The following ABI3BP variants were observed in gnomAD, a reference collection of about 807,000 sequenced individuals.
ABI3BP encodes the protein target of Nesh-SH3.
ABI3BP carries 216 observed loss-of-function variants against 268.6 expected under a neutral mutation model. The ratio of observed to expected loss-of-function variants is 0.80; its 90% confidence interval spans 0.72 to 0.90. ABI3BP has a LOEUF of 0.90. Ranked by LOEUF, ABI3BP falls within the 40% of genes least tolerant of loss-of-function variation. The pLI is 0.00. For missense variants in ABI3BP, 2,090 were observed against 2,182.4 expected, an observed-to-expected ratio of 0.96 and a Z score of 0.84; for synonymous variants, 730 against 730.0, an observed-to-expected ratio of 1.00 and a Z score of 0.00.
At chr3:100,977,100 C>T (rs911361527) in intron 1 of ABI3BP, among the ~76,000 whole-genome samples, 9 of 152,174 alleles carry the variant, frequency 5.9e-5, no homozygotes, top group African/African-American at 1.4e-4. Flanking sequence ...TCCCAAAATT[C>T]TCTTCCCGTG....
intron 62 of ABI3BP, among the ~76,000 whole-genome samples, 189 bp from the exon 63 acceptor site, chr3:100,766,138 G>A (rs2096260447): frequency 2.0e-5 from 3 of 152,222 alleles, no homozygotes; most frequent in South Asian, 2.1e-4. Context: ...GGCTCCAGAA[G>A]CATTTTGGGA....
At chr3:100,850,221 G>A in intron 16 of ABI3BP, 102 bp from the exon 17 acceptor site, 1 of 979,890 alleles carries the variant, frequency 1.0e-6, no homozygotes, top group Non-Finnish European at 1.5e-6. Context: ...CATGCCACGA[G>A]TACATGATTA....
At chr3:100,945,710 T>C (rs1481725756) in intron 1 of ABI3BP, 2 of 426,990 alleles carry the variant, frequency 4.7e-6, no homozygotes, top group African/African-American at 2.1e-5. Context: ...TTACATTTTA[T>C]TTATTCAATC....
intron 1 of ABI3BP, among the ~76,000 whole-genome samples, chr3:100,930,405 A>G (rs1384968341): frequency 6.6e-6 from 1 of 151,984 alleles, no homozygotes; most frequent in Non-Finnish European, 1.5e-5. Flanking sequence ...TGGATCTACG[A>G]TGGTGGTTTC....
rs952077101 is a variant in ABI3BP, at chr3:100,780,182, C to A, written c.4190G>T (p.Gly1397Val). 5.6e-6 allele frequency: 9 copies of A among 1,612,736 alleles called. No individual in the cohort carries two copies. The highest frequency in any genetic ancestry group is 7.6e-6 in the Non-Finnish European group (9 of 1,179,186). Reference sequence around the variant, plus strand: ...GTCCACTGATACATTTCTATCAGCACCTGATGGCCTGGGTGCTTGCTTGAC... The same window carrying A: ...GTCCACTGATACATTTCTATCAGCAACTGATGGCCTGGGTGCTTGCTTGAC... ...TGVKQAPRPS[G>V]ADRNVSVDST... Residue 1397 changes from glycine to valine, a missense_variant, in exon 58 of 68, where the codon GGT becomes GTT. By Grantham distance (109) the Gly-to-Val change is moderately radical. Transcript: ENST00000471714.
intron 1 of ABI3BP, among the ~76,000 whole-genome samples, chr3:100,971,692 T>C (rs760047410): frequency 1.3e-5 from 2 of 152,168 alleles, no homozygotes; most frequent in Non-Finnish European, 2.9e-5. Context: ...TGGGATTATA[T>C]CCTACAATTG....
At chr3:100,825,382 T>C (rs1453025159) in intron 35 of ABI3BP, among the ~76,000 whole-genome samples, 1 of 152,072 alleles carries the variant, frequency 6.6e-6, no homozygotes, top group Non-Finnish European at 1.5e-5. Flanking sequence ...GGGCATTTTT[T>C]TTTTTTTAAA....
At chr3:100,841,902 A>AG in intron 21 of ABI3BP, 96 bp downstream of exon 21, 1 of 109,986 alleles carries the variant, frequency 9.1e-6, no homozygotes. Context: ...TCTGGAGAAG[A>AG]AAAAAAAAAA....
At chr3:100,885,667 A>C (rs761758126) in intron 5 of ABI3BP, 79 bp from the exon 6 acceptor site, 29 of 798,200 alleles carry the variant, frequency 3.6e-5, no homozygotes, top group Admixed American at 1.4e-4. Context: ...TTATGAAGAC[A>C]ACTACAACTC....
intron 1 of ABI3BP, among the ~76,000 whole-genome samples, chr3:100,958,608 A>G (rs2077672397): frequency 1.1e-5 from 1 of 90,464 alleles, no homozygotes; most frequent in Non-Finnish European, 2.2e-5. Context: ...CTTTGCGACA[A>G]GCAAGAAAGA....
At chr3:100,951,754 C>T (rs2075145627) in intron 1 of ABI3BP, among the ~76,000 whole-genome samples, 1 of 151,918 alleles carries the variant, frequency 6.6e-6, no homozygotes. Context: ...TCATTACCAT[C>T]CTGAGAACTT....
intron 2 of ABI3BP, among the ~76,000 whole-genome samples, chr3:100,917,780 G>A (rs551980399): frequency 6.6e-6 from 1 of 152,288 alleles, no homozygotes; most frequent in South Asian, 2.1e-4. Flanking sequence ...CTTGGTGACA[G>A]TTTATCATTT....
In ABI3BP at chr3:100,802,249, A is replaced by C. The variant is rs146552939; in HGVS notation, c.3757+2543T>G. On this transcript the variant is annotated intron_variant, in intron 51 of 67. Transcript: ENST00000471714. ...AGAGACACGTAGAACATTCATGAGGATTTGGATAGCTTGCTGAAATCTAGA... is the reference window on the plus strand; with the variant it reads ...AGAGACACGTAGAACATTCATGAGGCTTTGGATAGCTTGCTGAAATCTAGA... Among the ~76,000 whole-genome samples the C allele has an allele frequency of 2.1e-3, 318 of 152,308 alleles. 2 individuals carry two copies. The highest frequency in any genetic ancestry group is 7.2e-3 in the African/African-American group (299 of 41,574).
Position 100,993,289 on chromosome 3 carries a change from A to C in ABI3BP, c.79+17T>G. The C allele has an allele frequency of 6.7e-7, 1 of 1,503,492 alleles. No homozygotes were observed. Among genetic ancestry groups the C allele is most frequent in the Non-Finnish European group, 9.0e-7 (1 of 1,105,716 alleles). The allele number at this position is 1,503,492 out of a possible 1,614,324, so 93.1% of individuals were successfully genotyped here. ...TCTTAATATTATTTTTAAAACATAA[A>C]ACATCAGGCTACTTGCCTTTTGGCA... On this transcript the variant is annotated intron_variant, in intron 1 of 67. Transcript: ENST00000471714.
intron 4 of ABI3BP, among the ~76,000 whole-genome samples, chr3:100,896,368 G>A (rs1341028971): frequency 6.6e-6 from 1 of 152,104 alleles, no homozygotes; most frequent in Non-Finnish European, 1.5e-5. Flanking sequence ...GTCAAACCAT[G>A]GCAACATCTA....
intron 57 of ABI3BP, among the ~76,000 whole-genome samples, chr3:100,784,735 T>C (rs552632935): frequency 2.0e-5 from 3 of 152,180 alleles, no homozygotes; most frequent in South Asian, 2.1e-4. Flanking sequence ...TTTGCAGCAA[T>C]TTGGATGGAT....
chr3:100,833,036 A>T lies in ABI3BP; in HGVS notation c.2314+89T>A. 2.6e-6 allele frequency: 3 copies of T among 1,133,694 alleles called. No individual in the cohort carries two copies. The South Asian group carries it at 4.6e-5, about 17-fold the overall frequency. 70.2% of individuals were successfully genotyped at this position (1,133,694 alleles called of 1,614,324 possible). A position where few individuals can be genotyped will look rare whatever the true frequency, so the allele number is the denominator to read the frequency against. On this transcript the variant is annotated intron_variant, in intron 30 of 67. Coordinates refer to ENST00000471714, the MANE Select transcript of ABI3BP (RefSeq NM_001375547.2). ...GAATACTGTAATGAGATGACAACAA[A>T]AGATGGTACAATAGCCTATATAGCA...
At chr3:100,876,427 G>T in intron 7 of ABI3BP, 85 bp downstream of exon 7, 1 of 1,212,588 alleles carries the variant, frequency 8.2e-7, no homozygotes, top group African/African-American at 1.6e-5. Flanking sequence ...TTAAAAAATC[G>T]AGAAAATATG....
chr3:100,817,003 G>A (rs982427656), intron 42 of ABI3BP, among the ~76,000 whole-genome samples: 8 of 152,056 alleles, frequency 5.3e-5, no homozygotes, highest in Non-Finnish European at 1.0e-4. Context: ...AGAAACACTA[G>A]AGCCAAACTC....
Sources: allele counts gnomAD v4.1 joint callset (sites outside exome capture counted in the v4.1 genomes callset), GRCh38; gene constraint gnomAD v4.1.1; transcripts MANE v1.5; gene names NCBI Gene and HGNC (gene_info 2026-07-23, HGNC 2026-07-21).